Variants in PHC3 observed in about 807,000 individuals in gnomAD.
The protein encoded by PHC3 is polyhomeotic homolog 3.
PHC3 carries 13 observed loss-of-function variants against 107.4 expected under a neutral mutation model. The ratio of observed to expected loss-of-function variants is 0.12; its 90% CI spans 0.08 to 0.19. The LOEUF (loss-of-function observed/expected upper bound fraction) is 0.19, where lower values mean the gene tolerates loss of function less well. Among genes scored for constraint, PHC3 ranks in the 10% least tolerant of loss-of-function variants. The pLI is 1.00. For synonymous variants in PHC3, 456 were observed against 427.4 expected (o/e 1.07, Z -0.83); for missense variants, 992 against 1,210.9 (o/e 0.82, Z 2.68).
At chr3:170,147,439 G>A (rs952354396) in intron 5 of PHC3, 1 of 152,074 alleles carries the variant, frequency 6.6e-6, no homozygotes, top group African/African-American at 2.4e-5. Flanking sequence ...AAAGTACAAT[G>A]ATGAGCCCTC....
At chr3:170,169,664 A>C (rs968486797) in intron 4 of PHC3, 4 of 152,266 alleles carry the variant, frequency 2.6e-5, no homozygotes, top group Non-Finnish European at 5.9e-5. Flanking sequence ...ATATAAGCAC[A>C]ATCACTAGAA....
chr3:170,162,536 G>C (rs1370838309), intron 4 of PHC3, among the ~76,000 whole-genome samples: 1 of 151,902 alleles, frequency 6.6e-6, no homozygotes, highest in Non-Finnish European at 1.5e-5. Flanking sequence ...ATAATTAAAG[G>C]TTAAAAAAAA....
intron 9 of PHC3, among the ~76,000 whole-genome samples, chr3:170,119,036 T>TAAAAAAA (rs1002478959): frequency 4.3e-3 from 311 of 72,312 alleles, no homozygotes; most frequent in Non-Finnish European, 5.1e-3. Context: ...TATAAAAAGC[T>TAAAAAAA]AAAAAAAAAA....
At chr3:170,159,206 C>T in intron 4 of PHC3, among the ~76,000 whole-genome samples, 1 of 138,880 alleles carries the variant, frequency 7.2e-6, no homozygotes, top group East Asian at 2.1e-4. Context: ...GAGCCGAGAT[C>T]ACGCCACTGC....
At chr3:170,167,818 C>G (rs1237072482) in intron 4 of PHC3, among the ~76,000 whole-genome samples, 5 of 150,776 alleles carry the variant, frequency 3.3e-5, no homozygotes, top group Non-Finnish European at 7.4e-5. Flanking sequence ...TCTGTGAATT[C>G]TCACTGTTTA....
At chr3:170,143,713 G>C (rs1013674219) in intron 6 of PHC3, among the ~76,000 whole-genome samples, 7 of 152,118 alleles carry the variant, frequency 4.6e-5, no homozygotes, top group Non-Finnish European at 8.8e-5. Context: ...TTATTGAGGT[G>C]TAACTTACAT....
At chr3:170,143,283 TAA>T (rs749291009) in intron 6 of PHC3, among the ~76,000 whole-genome samples, 3 of 152,182 alleles carry the variant, frequency 2.0e-5, no homozygotes, top group Non-Finnish European at 2.9e-5. Context: ...TGAAAAATCT[TAA>T]AGTTAACAGA....
chr3:170,123,194 T>C (rs1288413980), intron 8 of PHC3, among the ~76,000 whole-genome samples: 1 of 152,158 alleles, frequency 6.6e-6, no homozygotes, highest in Non-Finnish European at 1.5e-5. Context: ...CCCAGGCTCT[T>C]CCTTATTATT....
chr3:170,096,861 A>C lies in PHC3; in HGVS notation c.*369T>G, dbSNP rs1372481276. 6.3e-6 allele frequency: 1 copy of C among 157,600 alleles called. No individual in the cohort carries two copies. The highest frequency in any genetic ancestry group is 2.4e-5 in the African/African-American group (1 of 41,678). 9.8% of individuals were successfully genotyped at this position (157,600 alleles called of 1,614,324 possible). ...TAGAAAAAATGTATAAGAAAATTGA[A>C]TCAAAAGAGGAGAAATGTAAATCAT... On this transcript the variant is annotated 3_prime_UTR_variant, in exon 15 of 15. Coordinates refer to ENST00000495893, the MANE Select transcript of PHC3 (RefSeq NM_024947.4).
intron 4 of PHC3, among the ~76,000 whole-genome samples, chr3:170,162,331 T>C (rs186630261): frequency 5.9e-5 from 9 of 152,296 alleles, no homozygotes; most frequent in Admixed American, 5.9e-4. Context: ...TAGGTGGGTG[T>C]CTAATACACA....
chr3:170,128,515 CAT>C, intron 8 of PHC3, 167 bp downstream of exon 8: 2 of 1,074,492 alleles, frequency 1.9e-6, no homozygotes, highest in Non-Finnish European at 2.6e-6. Context: ...CAAACAATGG[CAT>C]TTTTTTTTTT....
intron 6 of PHC3, among the ~76,000 whole-genome samples, chr3:170,139,872 T>G (rs185509305): frequency 9.8e-5 from 15 of 152,306 alleles, no homozygotes; most frequent in Admixed American, 7.2e-4. Context: ...AGAAGAAGAA[T>G]ATTAGGGCAC....
At chr3:170,178,144 T>TAA (rs1378408905) in intron 2 of PHC3, among the ~76,000 whole-genome samples, 1,779 of 150,420 alleles carry the variant, frequency 0.012, 33 homozygotes, top group African/African-American at 0.041. Context: ...AGGAAAATTT[T>TAA]TTTTTTTTTT....
chr3:170,168,126 C>A (rs906066797), intron 4 of PHC3, among the ~76,000 whole-genome samples: 8 of 151,802 alleles, frequency 5.3e-5, no homozygotes, highest in African/African-American at 1.7e-4. Context: ...CGTGCCACTG[C>A]ACTCCAGCCT....
chr3:170,171,378 T>G lies in PHC3; in HGVS notation c.409A>C (p.Thr137Pro). Reference sequence around the variant, plus strand: ...AAAAAATTTAGGGAACTTACAGACGTTTGGGACATACTTGACTGCTGTGTG... The same window carrying G: ...AAAAAATTTAGGGAACTTACAGACGGTTGGGACATACTTGACTGCTGTGTG... ...SVTQQSSMSQ[T>P]SINLSTSPTP... Residue 137 changes from threonine to proline, a missense_variant, in exon 4 of 15, where the codon ACG becomes CCG. By Grantham distance (38) the Thr-to-Pro change is conservative. Transcript: ENST00000495893. The G allele has an allele frequency of 1.2e-6, 2 of 1,601,512 alleles. No individual in the cohort carries two copies. Among genetic ancestry groups the G allele is most frequent in the Non-Finnish European group, 1.7e-6 (2 of 1,174,448 alleles).
In PHC3 at chr3:170,129,721, CA is replaced by C. The variant is rs373359727; in HGVS notation, c.920-170del. ...AAAAAAAAAATTTTTTTTTTTGAGA[CA>C]GAGTCTTGCTCTTGTCACCCAGGCT... is the stretch of plus-strand genomic sequence containing the variant. On this transcript the variant is annotated intron_variant, in intron 7 of 14. Transcript: ENST00000495893. 4.8e-3 allele frequency among the ~76,000 whole-genome samples: 722 copies of C among 150,810 alleles called. 4 individuals carry two copies. Among genetic ancestry groups the C allele is most frequent in the African/African-American group, 0.017 (691 of 40,980 alleles).
chr3:170,124,010 G>C (rs964158201), intron 8 of PHC3, among the ~76,000 whole-genome samples: 2 of 151,890 alleles, frequency 1.3e-5, no homozygotes, highest in Admixed American at 6.6e-5. Flanking sequence ...ACCATGCCCA[G>C]CTAATTTTTT....
intron 6 of PHC3, among the ~76,000 whole-genome samples, chr3:170,137,827 A>T (rs1446233051): frequency 6.6e-6 from 1 of 152,098 alleles, no homozygotes; most frequent in Non-Finnish European, 1.5e-5. Flanking sequence ...TGAACCCAGG[A>T]GGCAAAGGGT....
chr3:170,170,286 T>C (rs1729387001), intron 4 of PHC3: 1 of 151,364 alleles, frequency 6.6e-6, no homozygotes, highest in African/African-American at 2.4e-5. Context: ...AGGACATTAT[T>C]AGGTTCTCAA....
Sources: gnomAD v4.1 joint callset for allele counts (sites outside exome capture counted in the v4.1 genomes callset) on GRCh38, gnomAD v4.1.1 for gene constraint, MANE v1.5 for transcripts, NCBI Gene and HGNC (gene_info 2026-07-23, HGNC 2026-07-21) for gene names.